Variants in NOL10 observed in about 807,000 individuals in gnomAD.
The protein encoded by NOL10 is H_NH0074G24.1.
A neutral mutation model predicts 103.5 loss-of-function variants in NOL10; 58 were observed. That is an observed-to-expected ratio of 0.56 (90% confidence interval 0.45 to 0.70). The LOEUF (loss-of-function observed/expected upper bound fraction) is 0.70, where lower values mean the gene tolerates loss of function less well. Ranked by LOEUF, NOL10 falls within the 30% of genes least tolerant of loss-of-function variation. The probability of loss-of-function intolerance (pLI) is 0.00; values close to 1 mark genes in which losing one functional copy is unlikely to be tolerated. For synonymous variants in NOL10, 287 were observed against 282.5 expected (o/e 1.02, Z -0.16); for missense variants, 763 against 807.3 (o/e 0.95, Z 0.67).
chr2:10,656,059 C>T (rs1679828429), intron 11 of NOL10, among the ~76,000 whole-genome samples: 1 of 152,172 alleles, frequency 6.6e-6, no homozygotes, highest in South Asian at 2.1e-4. Context: ...ATGATGGAAA[C>T]TATGCAGAAG....
At chr2:10,574,781 GT>G (rs1674367779) in intron 20 of NOL10, among the ~76,000 whole-genome samples, 1 of 152,152 alleles carries the variant, frequency 6.6e-6, no homozygotes, top group Non-Finnish European at 1.5e-5. Flanking sequence ...TCAGTCCAAG[GT>G]TTTTCCCTTA....
chr2:10,654,393 T>A (rs1213669461), intron 12 of NOL10, 88 bp downstream of exon 12: 2 of 950,204 alleles, frequency 2.1e-6, no homozygotes, highest in African/African-American at 3.4e-5. Flanking sequence ...CCTAAAAAAG[T>A]ATAGCCTTTT....
chr2:10,618,065 TG>T (rs538610574), intron 13 of NOL10, among the ~76,000 whole-genome samples: 301 of 150,782 alleles, frequency 2.0e-3, no homozygotes, highest in African/African-American at 6.2e-3. Context: ...TTATTTGAGA[TG>T]GGGTCTCACT....
intron 13 of NOL10, among the ~76,000 whole-genome samples, chr2:10,630,393 G>C (rs1677754990): frequency 6.6e-6 from 1 of 152,152 alleles, no homozygotes; most frequent in African/African-American, 2.4e-5. Context: ...AGATCCAGCT[G>C]TCACCAACTT....
intron 14 of NOL10, chr2:10,604,636 C>T (rs1676150568): frequency 6.6e-6 from 1 of 152,172 alleles, no homozygotes; most frequent in Non-Finnish European, 1.5e-5. Flanking sequence ...TTATAAAATA[C>T]ATATACCAGT....
intron 17 of NOL10, among the ~76,000 whole-genome samples, chr2:10,593,037 A>C (rs536296245): frequency 2.0e-4 from 30 of 152,356 alleles, no homozygotes; most frequent in Admixed American, 6.5e-4. Flanking sequence ...ACCTGGAAGA[A>C]TGGTATCTGT....
At chr2:10,636,982 A>G (rs1678277461) in intron 13 of NOL10, among the ~76,000 whole-genome samples, 2 of 152,080 alleles carry the variant, frequency 1.3e-5, no homozygotes, top group African/African-American at 2.4e-5. Context: ...TGGGTGGATC[A>G]CTTGAGGCCA....
Position 10,675,864 on chromosome 2 carries a change from A to G in NOL10, c.219T>C (p.Tyr73=), listed in dbSNP as rs1347085015. 3 of 1,559,178 alleles carry G rather than the reference A, an allele frequency of 1.9e-6. No individual in the cohort carries two copies. The highest frequency in any genetic ancestry group is 2.3e-5 in the East Asian group (1 of 44,052). Residue 73 remains tyrosine, a synonymous_variant, in exon 4 of 21, where the codon TAT becomes TAC. Coordinates refer to ENST00000381685, the MANE Select transcript of NOL10 (RefSeq NM_024894.4). ...TGTCATAACATCGAACCCGAGGTTTATATGTTCCTACAAAAAATTAATGTG... is the reference window on the plus strand; with the variant it reads ...TGTCATAACATCGAACCCGAGGTTTGTATGTTCCTACAAAAAATTAATGTG... ...DGQYILATGT[Y]KPRVRCYDTY...
intron 2 of NOL10, among the ~76,000 whole-genome samples, chr2:10,682,746 C>A (rs565657437): frequency 1.4e-4 from 21 of 151,834 alleles, no homozygotes; most frequent in African/African-American, 5.1e-4. Flanking sequence ...AAAAATCCAA[C>A]TTTTTTTTCT....
At chr2:10,588,195 T>G (rs182990508) in intron 19 of NOL10, among the ~76,000 whole-genome samples, 8 of 152,306 alleles carry the variant, frequency 5.3e-5, no homozygotes, top group East Asian at 1.9e-4. Context: ...CTACCTTTTT[T>G]GGGGAAGGTT....
At position 10,616,324 on chromosome 2, in the gene NOL10, AT is replaced by A. The variant is rs200276909; in HGVS notation, c.1027-9014del. On this transcript the variant is annotated intron_variant, in intron 13 of 20. Coordinates refer to ENST00000381685, the MANE Select transcript of NOL10 (RefSeq NM_024894.4). ...GCTCACTGCAACCTCTGCCTCCTGG[AT>A]TCTTGTGCCTCAGCCTGCCAAGTAG... Among the ~76,000 whole-genome samples, 74 of 135,016 alleles carry A rather than the reference AT, an allele frequency of 5.5e-4. 2 individuals carry two copies. The East Asian group carries it at 0.015, about 27-fold the overall frequency. 88.6% of individuals were successfully genotyped at this position (135,016 alleles called of 152,430 possible).
At chr2:10,608,643 T>C (rs762920450) in intron 13 of NOL10, among the ~76,000 whole-genome samples, 2 of 152,194 alleles carry the variant, frequency 1.3e-5, no homozygotes, top group African/African-American at 2.4e-5. Flanking sequence ...TTATTAAATC[T>C]AGCTTAAACT....
chr2:10,607,117 G>C, intron 14 of NOL10, 68 bp downstream of exon 14: 2 of 1,130,694 alleles, frequency 1.8e-6, no homozygotes, highest in Non-Finnish European at 2.4e-6. Flanking sequence ...CAATTCTCAT[G>C]TTCAAAACTC....
intron 8 of NOL10, among the ~76,000 whole-genome samples, chr2:10,665,765 C>T (rs532372239): frequency 1.3e-5 from 2 of 152,352 alleles, no homozygotes; most frequent in Admixed American, 6.5e-5. Flanking sequence ...AGTAACCTGA[C>T]TACCAAGAGA....
At chr2:10,610,554 T>C (rs762024395) in intron 13 of NOL10, among the ~76,000 whole-genome samples, 2 of 152,184 alleles carry the variant, frequency 1.3e-5, no homozygotes, top group Non-Finnish European at 2.9e-5. Flanking sequence ...AAAACCACCA[T>C]AACAAAGTTG....
chr2:10,649,108 CAGG>C (rs1679283017), intron 12 of NOL10, among the ~76,000 whole-genome samples: 4 of 152,168 alleles, frequency 2.6e-5, no homozygotes, highest in Admixed American at 2.6e-4. Context: ...CAATGATTTT[CAGG>C]AGATCAATGC....
chr2:10,677,981 A>G (rs1681446325), intron 3 of NOL10, among the ~76,000 whole-genome samples: 2 of 151,992 alleles, frequency 1.3e-5, no homozygotes, highest in Admixed American at 6.6e-5. Context: ...ACACACACAC[A>G]TAATTTGAAA....
chr2:10,648,646 G>A (rs1679249124), intron 12 of NOL10, among the ~76,000 whole-genome samples: 1 of 152,064 alleles, frequency 6.6e-6, no homozygotes, highest in Admixed American at 6.6e-5. Context: ...ACGACCTGGA[G>A]ACCTCAGCAG....
At chr2:10,657,712 A>G (rs999714451) in intron 11 of NOL10, 30 bp downstream of exon 11, 6 of 1,536,290 alleles carry the variant, frequency 3.9e-6, no homozygotes, top group Non-Finnish European at 5.3e-6. Context: ...GCAAATAAAG[A>G]AGCAAGTAAT....
Sources: allele counts gnomAD v4.1 joint callset (sites outside exome capture counted in the v4.1 genomes callset), GRCh38; gene constraint gnomAD v4.1.1; transcripts MANE v1.5; gene names NCBI Gene and HGNC (gene_info 2026-07-23, HGNC 2026-07-21).